PAK4: variants seen among roughly 807,000 people sequenced by gnomAD.
The protein encoded by PAK4 is serine/threonine-protein kinase PAK 4.
A neutral mutation model predicts 53.5 loss-of-function variants in PAK4; 49 were observed. The ratio of observed to expected loss-of-function variants is 0.92; its 90% CI spans 0.73 to 1.16. The LOEUF (loss-of-function observed/expected upper bound fraction) is 1.16, where lower values mean the gene tolerates loss of function less well. Ranked by LOEUF, PAK4 falls within the 50% of genes most tolerant of loss-of-function variation. PAK4 has a pLI of 0.00. For missense variants in PAK4, 824 were observed against 850.7 expected (o/e 0.97, Z 0.39); for synonymous variants, 376 against 375.6 (o/e 1.00, Z -0.01).
At chr19:39,134,678 C>A (rs1370593681) in intron 1 of PAK4, among the ~76,000 whole-genome samples, 3 of 151,918 alleles carry the variant, frequency 2.0e-5, no homozygotes, top group Admixed American at 1.3e-4. Context: ...TGGCTCACTG[C>A]AGCCTCTGCC....
At chr19:39,152,412 A>T (rs2074107610) in intron 1 of PAK4, 1 of 152,168 alleles carries the variant, frequency 6.6e-6, no homozygotes, top group Non-Finnish European at 1.5e-5. Context: ...ATTTCACTTA[A>T]CATTGTCCCC....
chr19:39,153,462 A>T (rs1218957973), intron 1 of PAK4, among the ~76,000 whole-genome samples: 1 of 149,936 alleles, frequency 6.7e-6, no homozygotes, highest in African/African-American at 2.5e-5. Flanking sequence ...ATTTTTTTGA[A>T]ACAGAGTCTC....
At chr19:39,139,062 T>G (rs2073867707) in intron 1 of PAK4, among the ~76,000 whole-genome samples, 1 of 152,158 alleles carries the variant, frequency 6.6e-6, no homozygotes, top group Non-Finnish European at 1.5e-5. Flanking sequence ...AGCCCATGGC[T>G]GGCTGGGGAG....
chr19:39,177,723 G>A, exon 8 of PAK4: 1 of 1,613,654 alleles, frequency 6.2e-7, no homozygotes, highest in Non-Finnish European at 8.5e-7. Context: ...GGTGGACGGA[G>A]AGCCCCCCTA....
In PAK4 at chr19:39,175,761, C is replaced by T. The variant is rs908694802; in HGVS notation, c.1359+323C>T. 1.3e-5 allele frequency among the ~76,000 whole-genome samples: 2 copies of T among 152,232 alleles called. No individual in the cohort carries two copies. The highest frequency in any genetic ancestry group is 2.4e-5 in the African/African-American group (1 of 41,462). On this transcript the variant is annotated intron_variant, in intron 6 of 8. Coordinates refer to ENST00000358301, the Ensembl canonical transcript of PAK4. The surrounding 1 kb of genome is among the most constrained non-coding windows in gnomAD (Gnocchi z 4.7). ...CTGAAAAGCTGCTCCCTGCCCAGCA[C>T]CCAGGGCGGTCCATGGACCCCAGTC...
chr19:39,127,777 G>A (rs2073616830), intron 1 of PAK4, among the ~76,000 whole-genome samples: 1 of 152,216 alleles, frequency 6.6e-6, no homozygotes, highest in Non-Finnish European at 1.5e-5. Flanking sequence ...AGCCGGGAGA[G>A]TGCCCCTACC....
At position 39,173,946 on chromosome 19, in the gene PAK4, A is replaced by G. The variant is rs757038413; in HGVS notation, c.1034A>G (p.Lys345Arg). Residue 345 changes from lysine to arginine, a missense_variant, in exon 4 of 9, where the codon AAG becomes AGG. By Grantham distance (26) the Lys-to-Arg change is conservative. Transcript: ENST00000358301. This position sits in a 1 kb window ranked among gnomAD's most constrained non-coding sequence, Gnocchi z 6.9. ...ATCGCCACCGTGCGCAGCTCGGGCA[A>G]GCTGGTGGCCGTCAAGAAGATGGAC... is the stretch of plus-strand genomic sequence containing the variant. 1.4e-5 allele frequency: 22 copies of G among 1,611,018 alleles called. No homozygotes were observed. Among genetic ancestry groups the G allele is most frequent in the Middle Eastern group, 3.3e-4 (2 of 6,080 alleles).
At chr19:39,179,369 G>C (rs1400468488) in exon 9 of PAK4, 26 of 122,278 alleles carry the variant, frequency 2.1e-4, no homozygotes, top group African/African-American at 8.0e-4. Flanking sequence ...CCCCTGCCTC[G>C]AGTTAGTTTT....
chr19:39,172,203 C>T (rs1206220715), intron 2 of PAK4, among the ~76,000 whole-genome samples: 5 of 115,268 alleles, frequency 4.3e-5, no homozygotes, highest in Admixed American at 2.2e-4. Context: ...GAGCCGCCAG[C>T]GGAGAGGCCC....
chr19:39,176,524 A>C, intron 6 of PAK4, 66 bp from the exon 8 acceptor site: 1 of 1,602,058 alleles, frequency 6.2e-7, no homozygotes, highest in Non-Finnish European at 8.5e-7. Flanking sequence ...TGACGCAGGC[A>C]GACGCCCCTG....
chr19:39,155,990 G>A (rs1030524619), intron 1 of PAK4, among the ~76,000 whole-genome samples: 28 of 152,184 alleles, frequency 1.8e-4, no homozygotes, highest in African/African-American at 5.6e-4. Flanking sequence ...CCAGCATGGC[G>A]TTCCACCTTC....
At position 39,177,814 on chromosome 19, in the gene PAK4, G is replaced by A. The variant is rs772939959; in HGVS notation, c.1620+5G>A. The A allele has an allele frequency of 6.2e-7, 1 of 1,604,026 alleles. No individual in the cohort carries two copies. Among genetic ancestry groups the A allele is most frequent in the African/African-American group, 1.3e-5 (1 of 74,712 alleles). ...CGACTGAAGAACCTGCACAAGGTAG[G>A]CCCCTCCCTGGCTGGGAAACTGTGC... On this transcript the variant is annotated splice_donor_5th_base_variant and intron_variant, in intron 8 of 8. Coordinates refer to ENST00000358301, the Ensembl canonical transcript of PAK4.
intron 1 of PAK4, among the ~76,000 whole-genome samples, chr19:39,163,379 G>C (rs541373727): frequency 1.3e-5 from 2 of 152,204 alleles, no homozygotes; most frequent in Non-Finnish European, 2.9e-5. Context: ...CAGCAGCTTT[G>C]ATCAGAGCCT....
At position 39,169,769 on chromosome 19, in the gene PAK4, C is replaced by T. The variant is rs770529926; in HGVS notation, c.204+12C>T. ...CCGGGGCCCCCAAGGTATGTGGCAC[C>T]CACCACCACCTCCCCCAGCCCACCC... On this transcript the variant is annotated intron_variant, in intron 2 of 8. Transcript: ENST00000358301. The T allele has an allele frequency of 2.5e-6, 4 of 1,576,594 alleles. No homozygotes were observed.
rs2074587269 is a variant in PAK4, at chr19:39,175,514, G to A, written c.1359+76G>A. The A allele has an allele frequency of 2.1e-6, 3 of 1,422,822 alleles. No individual in the cohort carries two copies. The highest frequency in any genetic ancestry group is 4.8e-5 in the East Asian group (2 of 41,412). The allele number at this position is 1,422,822 out of a possible 1,614,324, so 88.1% of individuals were successfully genotyped here. ...GCTTCCCTGCCTCTTCCCATCCCCT[G>A]TGAGGGTAGGTGAGCTCTGACCCCC... On this transcript the variant is annotated intron_variant, in intron 6 of 8. Coordinates refer to ENST00000358301, the Ensembl canonical transcript of PAK4. This position sits in a 1 kb window ranked among gnomAD's most constrained non-coding sequence, Gnocchi z 4.7.
chr19:39,173,181 A>G lies in PAK4; in HGVS notation c.468A>G (p.Pro156=), dbSNP rs956775355. Residue 156 remains proline (P), a synonymous_variant, in exon 3 of 9, where the codon CCA becomes CCG. Coordinates refer to ENST00000358301, the Ensembl canonical transcript of PAK4. This position sits in a 1 kb window ranked among gnomAD's most constrained non-coding sequence, Gnocchi z 6.9. ...GTGGTGACAGGCGACGGGCGGGGCC[A>G]GAGAAGAGGCCCAAGTCTTCCAGGG... 7 of 1,542,576 alleles carry G rather than the reference A, an allele frequency of 4.5e-6. No individual in the cohort carries two copies. The highest frequency in any genetic ancestry group is 2.7e-5 in the African/African-American group (2 of 73,016).
chr19:39,135,391 A>G (rs2073793460), intron 1 of PAK4, among the ~76,000 whole-genome samples: 1 of 132,580 alleles, frequency 7.5e-6, no homozygotes, highest in Non-Finnish European at 1.5e-5. Context: ...GCTGGAGTGC[A>G]GCAGCGCGAT....
intron 1 of PAK4, among the ~76,000 whole-genome samples, chr19:39,127,941 AAC>A (rs1439174321): frequency 6.6e-6 from 1 of 152,158 alleles, no homozygotes; most frequent in Non-Finnish European, 1.5e-5. Flanking sequence ...GGATCTGGGC[AAC>A]ACGTAGCCTG....
chr19:39,152,596 G>A (rs529689733), intron 1 of PAK4, among the ~76,000 whole-genome samples: 15 of 152,258 alleles, frequency 9.9e-5, no homozygotes, highest in East Asian at 5.8e-4. Flanking sequence ...ATGAAATTGC[G>A]AAGAAGGGAA....
Sources: gnomAD v4.1 joint callset for allele counts (sites outside exome capture counted in the v4.1 genomes callset) on GRCh38, gnomAD v4.1.1 for gene constraint, Gnocchi (gnomAD v3.1) non-coding constraint, MANE v1.5 for transcripts, NCBI Gene and HGNC (gene_info 2026-07-23, HGNC 2026-07-21) for gene names.